The following CLUL1 variants were observed in gnomAD, a reference collection of about 807,000 sequenced individuals.
CLUL1 encodes the protein clusterin-like protein 1.
In CLUL1, 43 loss-of-function variants were observed where a neutral mutation model predicts 49.4. The ratio of observed to expected loss-of-function variants is 0.87; its 90% CI spans 0.68 to 1.12. The LOEUF is 1.12. CLUL1 is among the 50% of genes most tolerant of loss of function. The probability of loss-of-function intolerance (pLI) is 0.00; values close to 1 mark genes in which losing one functional copy is unlikely to be tolerated. For synonymous variants in CLUL1, 192 were observed against 184.9 expected (o/e 1.04, Z -0.31); for missense variants, 486 against 544.4 (o/e 0.89, Z 1.07).
At chr18:621,840 G>A (rs1309385205) in intron 4 of CLUL1, among the ~76,000 whole-genome samples, 1 of 152,220 alleles carries the variant, frequency 6.6e-6, no homozygotes, top group Non-Finnish European at 1.5e-5. Context: ...CTCCTGGCAA[G>A]GAGGACAGGG....
intron 8 of CLUL1, 136 bp from the exon 9 acceptor site, chr18:644,774 A>T: frequency 1.8e-6 from 1 of 555,642 alleles, no homozygotes; most frequent in Non-Finnish European, 3.1e-6. Context: ...TCTTTGTTGC[A>T]TGAAGCCCTA....
At chr18:639,029 A>T (rs2074245763) in intron 7 of CLUL1, among the ~76,000 whole-genome samples, 1 of 152,206 alleles carries the variant, frequency 6.6e-6, no homozygotes, top group South Asian at 2.1e-4. Context: ...TACTCATATC[A>T]TGTGCCTATA....
intron 9 of CLUL1, among the ~76,000 whole-genome samples, chr18:647,646 C>T (rs2074544901): frequency 6.6e-6 from 1 of 152,122 alleles, no homozygotes; most frequent in Non-Finnish European, 1.5e-5. Context: ...ACCTCTAGAC[C>T]AGGAGAGAGG....
At chr18:624,354 C>T (rs1271910888) in intron 4 of CLUL1, among the ~76,000 whole-genome samples, 3 of 152,160 alleles carry the variant, frequency 2.0e-5, no homozygotes, top group South Asian at 2.1e-4. Flanking sequence ...TGTAACTCAA[C>T]GGGAACATTT....
At chr18:604,689 A>C (rs1042181970) in intron 1 of CLUL1, among the ~76,000 whole-genome samples, 8 of 152,220 alleles carry the variant, frequency 5.3e-5, no homozygotes, top group Non-Finnish European at 1.0e-4. Context: ...TAGCTCAGTT[A>C]GGTCTGTGTT....
Position 606,449 on chromosome 18 carries a change from G to A in CLUL1, c.-135-529G>A, listed in dbSNP as rs1054522649. Among the ~76,000 whole-genome samples the A allele has an allele frequency of 4.6e-5, 7 of 152,298 alleles. No individual in the cohort carries two copies. The highest frequency in any genetic ancestry group is 8.8e-5 in the Non-Finnish European group (6 of 68,020). ...TCCACAACGTGGAAGTCCAGCTTCC[G>A]TTCAAATCGGAGTTCTTTCTTCATG... On this transcript the variant is annotated intron_variant, in intron 1 of 9. Transcript: ENST00000692774. The surrounding 1 kb of genome is among the most constrained non-coding windows in gnomAD (Gnocchi z 4.1).
At chr18:632,040 C>G (rs556030795) in intron 6 of CLUL1, among the ~76,000 whole-genome samples, 2 of 152,082 alleles carry the variant, frequency 1.3e-5, no homozygotes, top group African/African-American at 4.8e-5. Context: ...CAATTTATCT[C>G]AAAATAAAAC....
chr18:615,162 G>A (rs529799965), intron 2 of CLUL1, among the ~76,000 whole-genome samples: 1 of 152,238 alleles, frequency 6.6e-6, no homozygotes, highest in South Asian at 2.1e-4. Flanking sequence ...GCATAATGAT[G>A]TCATAATTAT....
intron 9 of CLUL1, among the ~76,000 whole-genome samples, chr18:646,594 G>A (rs2074516214): frequency 1.3e-5 from 2 of 151,806 alleles, no homozygotes; most frequent in South Asian, 4.2e-4. Flanking sequence ...GGGAGTTCAG[G>A]GGAGGGTCGT....
At chr18:617,595 CAAA>C (rs11422881) in intron 2 of CLUL1, among the ~76,000 whole-genome samples, 1 of 82,042 alleles carries the variant, frequency 1.2e-5, no homozygotes. Flanking sequence ...AACTCCGTCT[CAAA>C]AAAAAAAAAA....
At chr18:604,868 G>C (rs776898316) in intron 1 of CLUL1, among the ~76,000 whole-genome samples, 6 of 152,210 alleles carry the variant, frequency 3.9e-5, no homozygotes. Flanking sequence ...ACCTGATGGG[G>C]CCGAGTTCCC....
chr18:604,179 C>T (rs1052528576), intron 1 of CLUL1, among the ~76,000 whole-genome samples: 26 of 152,242 alleles, frequency 1.7e-4, no homozygotes, highest in African/African-American at 5.1e-4. Flanking sequence ...CCACCTCCAC[C>T]AGCTTTTTCA....
chr18:607,939 G>C (rs2073026131), intron 2 of CLUL1, among the ~76,000 whole-genome samples: 1 of 151,856 alleles, frequency 6.6e-6, no homozygotes, highest in East Asian at 1.9e-4. Flanking sequence ...AGGATCTAGG[G>C]TGAAAAAAAA....
At chr18:610,117 C>CTG (rs1406564587) in intron 2 of CLUL1, among the ~76,000 whole-genome samples, 9 of 152,188 alleles carry the variant, frequency 5.9e-5, no homozygotes, top group African/African-American at 2.2e-4. Context: ...ACCCATCCTG[C>CTG]TGTCATGCAG....
intron 7 of CLUL1, among the ~76,000 whole-genome samples, chr18:636,775 G>A (rs71352960): frequency 0.17 from 25,388 of 151,738 alleles, 2,338 homozygotes; most frequent in Middle Eastern, 0.23. Context: ...ACAGGCAACC[G>A]CCACCATGCC....
chr18:633,984 C>T (rs2074069151), intron 7 of CLUL1, among the ~76,000 whole-genome samples: 2 of 152,200 alleles, frequency 1.3e-5, no homozygotes, highest in Non-Finnish European at 2.9e-5. Context: ...GAACTCACAT[C>T]TAACAATTTT....
chr18:608,006 G>A (rs2073029255), intron 2 of CLUL1, among the ~76,000 whole-genome samples: 1 of 152,160 alleles, frequency 6.6e-6, no homozygotes, highest in African/African-American at 2.4e-5. Flanking sequence ...GTCATCAGTT[G>A]CACAGTGCAG....
At chr18:608,966 T>G (rs1178312256) in intron 2 of CLUL1, among the ~76,000 whole-genome samples, 1 of 152,200 alleles carries the variant, frequency 6.6e-6, no homozygotes, top group African/African-American at 2.4e-5. Context: ...AAGGATTCTT[T>G]TTTCCATATA....
intron 6 of CLUL1, among the ~76,000 whole-genome samples, chr18:630,204 G>T (rs548560564): frequency 6.6e-6 from 1 of 152,178 alleles, no homozygotes; most frequent in African/African-American, 2.4e-5. Context: ...CACCTCCGGG[G>T]TTTAAGTGAT....
Sources: allele counts gnomAD v4.1 joint callset (sites outside exome capture counted in the v4.1 genomes callset), GRCh38; gene constraint gnomAD v4.1.1; non-coding constraint Gnocchi (gnomAD v3.1); transcripts MANE v1.5; gene names NCBI Gene and HGNC (gene_info 2026-07-23, HGNC 2026-07-21).